The following TBC1D32 variants were observed in gnomAD, a reference collection of about 807,000 sequenced individuals.
TBC1D32 encodes TBC1 domain family member 32.
Under a neutral mutation model 170.3 loss-of-function variants are expected in TBC1D32, and 151 were observed. The ratio of observed to expected loss-of-function variants is 0.89; its 90% confidence interval spans 0.78 to 1.01. The LOEUF (loss-of-function observed/expected upper bound fraction) is 1.01, where lower values mean the gene tolerates loss of function less well. Among genes scored for constraint, TBC1D32 ranks in the 50% least tolerant of loss-of-function variants. The pLI is 0.00. For synonymous variants in TBC1D32, 498 were observed against 488.0 expected, an observed-to-expected ratio of 1.02 and a Z score of -0.27; for missense variants, 1,464 against 1,457.1, an observed-to-expected ratio of 1.00 and a Z score of -0.08.
intron 1 of TBC1D32, among the ~76,000 whole-genome samples, chr6:121,333,183 T>C (rs754222367): frequency 2.6e-5 from 4 of 152,178 alleles, no homozygotes; most frequent in Non-Finnish European, 4.4e-5. Context: ...AAATTTCCAG[T>C]GTCATCTCTG....
intron 10 of TBC1D32, 84 bp downstream of exon 10, chr6:121,299,362 C>T (rs1806119311): frequency 3.6e-6 from 5 of 1,373,036 alleles, no homozygotes; most frequent in Non-Finnish European, 4.9e-6. Context: ...ATTATCACCA[C>T]ACAACTTTGC....
At chr6:121,296,718 CTCCTTTG>C (rs1374626499) in intron 10 of TBC1D32, among the ~76,000 whole-genome samples, 1 of 151,994 alleles carries the variant, frequency 6.6e-6, no homozygotes, top group Non-Finnish European at 1.5e-5. Flanking sequence ...TTCAATACTT[CTCCTTTG>C]ACCCATTTTC....
At chr6:121,211,996 C>T (rs1056987624) in intron 21 of TBC1D32, among the ~76,000 whole-genome samples, 4 of 7,032 alleles carry the variant, frequency 5.7e-4, no homozygotes, top group African/African-American at 7.8e-4. Flanking sequence ...ACAAACACAA[C>T]ACACACACAC....
At chr6:121,215,376 G>A (rs1484027583) in intron 21 of TBC1D32, among the ~76,000 whole-genome samples, 1 of 152,218 alleles carries the variant, frequency 6.6e-6, no homozygotes, top group African/African-American at 2.4e-5. Flanking sequence ...GCATCATGGG[G>A]CATGCAGGCC....
intron 8 of TBC1D32, 26 bp from the exon 9 acceptor site, chr6:121,303,787 C>A: frequency 6.9e-7 from 1 of 1,456,640 alleles, no homozygotes; most frequent in Non-Finnish European, 9.3e-7. Context: ...AAAAGAAATA[C>A]AATTACACAT....
At chr6:121,310,090 T>C (rs1186113745) in intron 4 of TBC1D32, among the ~76,000 whole-genome samples, 3 of 151,742 alleles carry the variant, frequency 2.0e-5, no homozygotes, top group Non-Finnish European at 4.4e-5. Flanking sequence ...TCAAAATTGC[T>C]CAGATAGTTA....
intron 22 of TBC1D32, among the ~76,000 whole-genome samples, chr6:121,198,737 C>T (rs989146251): frequency 4.0e-5 from 6 of 150,816 alleles, no homozygotes; most frequent in South Asian, 2.1e-4. Flanking sequence ...GGCGACAGAG[C>T]GAGACTCTTG....
chr6:121,205,698 C>T (rs1301073725), intron 21 of TBC1D32, among the ~76,000 whole-genome samples: 1 of 152,110 alleles, frequency 6.6e-6, no homozygotes, highest in African/African-American at 2.4e-5. Flanking sequence ...AAGAAAGATA[C>T]ACAGGTGCCC....
At chr6:121,301,271 TATA>T in intron 9 of TBC1D32, among the ~76,000 whole-genome samples, 1 of 152,116 alleles carries the variant, frequency 6.6e-6, no homozygotes, top group Non-Finnish European at 1.5e-5. Flanking sequence ...TTCACAATAG[TATA>T]GACTTGGAAC....
chr6:121,282,496 T>C (rs1198506875), intron 13 of TBC1D32, among the ~76,000 whole-genome samples: 1 of 146,548 alleles, frequency 6.8e-6, no homozygotes, highest in East Asian at 2.2e-4. Flanking sequence ...TAACTTATGT[T>C]ACAATATTCC....
At chr6:121,130,127 C>T (rs1453518087) in intron 25 of TBC1D32, among the ~76,000 whole-genome samples, 4 of 151,836 alleles carry the variant, frequency 2.6e-5, no homozygotes, top group Non-Finnish European at 5.9e-5. Flanking sequence ...AGATTTTGCC[C>T]CAAAACTATA....
intron 3 of TBC1D32, among the ~76,000 whole-genome samples, chr6:121,314,607 T>C (rs1808671473): frequency 1.3e-5 from 2 of 152,154 alleles, no homozygotes; most frequent in Non-Finnish European, 2.9e-5. Flanking sequence ...CCTTGGAAGG[T>C]TATAAAATAG....
At chr6:121,174,625 T>C (rs1015536777) in intron 22 of TBC1D32, among the ~76,000 whole-genome samples, 1 of 152,154 alleles carries the variant, frequency 6.6e-6, no homozygotes, top group Non-Finnish European at 1.5e-5. Context: ...AGGTCTAACA[T>C]GATTAGATAT....
intron 12 of TBC1D32, among the ~76,000 whole-genome samples, chr6:121,285,220 A>C (rs896915561): frequency 6.6e-6 from 1 of 152,198 alleles, no homozygotes; most frequent in African/African-American, 2.4e-5. Flanking sequence ...AGGATTCAAC[A>C]TGTAACTGTA....
intron 10 of TBC1D32, among the ~76,000 whole-genome samples, chr6:121,295,635 T>C (rs1805508379): frequency 6.6e-6 from 1 of 150,550 alleles, no homozygotes; most frequent in African/African-American, 2.4e-5. Flanking sequence ...AGAAAGGGGA[T>C]AGTTGATAGA....
At chr6:121,160,150 A>T in intron 23 of TBC1D32, 47 bp from the exon 24 acceptor site, 1 of 1,189,880 alleles carries the variant, frequency 8.4e-7, no homozygotes, top group East Asian at 2.4e-5. Flanking sequence ...GTCTAAAATA[A>T]TATTGAATTT....
At chr6:121,297,433 A>T (rs1805824203) in intron 10 of TBC1D32, among the ~76,000 whole-genome samples, 1 of 152,102 alleles carries the variant, frequency 6.6e-6, no homozygotes, top group Admixed American at 6.6e-5. Context: ...TTTTAAAATG[A>T]CTTTCAGAGA....
intron 3 of TBC1D32, among the ~76,000 whole-genome samples, chr6:121,313,377 G>A (rs976169985): frequency 1.3e-5 from 2 of 149,508 alleles, no homozygotes; most frequent in South Asian, 2.1e-4. Context: ...TCCACCACCC[G>A]AGTTCAAGTG....
rs545613582 is a variant in TBC1D32, at chr6:121,190,604, GC to G, written c.2570+14470del. 5.3e-5 allele frequency among the ~76,000 whole-genome samples: 8 copies of G among 152,206 alleles called. No individual in the cohort carries two copies. In the South Asian group the frequency reaches 1.7e-3, roughly 32 times the overall value. On this transcript the variant is annotated intron_variant, in intron 22 of 31. Transcript: ENST00000398212. Reference sequence around the variant, plus strand: ...AAATAAACTGTAAGATGAGGGACTAGCCTTTTCATCTGTTTTGGGACATATT... The same window carrying G: ...AAATAAACTGTAAGATGAGGGACTAGCTTTTCATCTGTTTTGGGACATATT...
Sources: gnomAD v4.1 joint callset for allele counts (sites outside exome capture counted in the v4.1 genomes callset) on GRCh38, gnomAD v4.1.1 for gene constraint, MANE v1.5 for transcripts, NCBI Gene and HGNC (gene_info 2026-07-23, HGNC 2026-07-21) for gene names.